Variants in PI4KA observed in about 807,000 individuals in gnomAD.
PI4KA encodes the protein PI4-kinase alpha.
A neutral mutation model predicts 271.4 loss-of-function variants in PI4KA; 122 were observed. The ratio of observed to expected loss-of-function variants is 0.45; its 90% CI spans 0.39 to 0.52. PI4KA has a LOEUF of 0.52. Among genes scored for constraint, PI4KA ranks in the 20% least tolerant of loss-of-function variants. PI4KA has a pLI of 0.00. For synonymous variants in PI4KA, 1,041 were observed against 1,078.8 expected (o/e 0.96, Z 0.69); for missense variants, 1,969 against 2,769.1 (o/e 0.71, Z 6.48).
intron 12 of PI4KA, 68 bp from the exon 13 acceptor site, chr22:20,803,388 G>A: frequency 6.3e-7 from 1 of 1,592,894 alleles, no homozygotes; most frequent in Non-Finnish European, 8.6e-7. Flanking sequence ...CCTGAGCAGG[G>A]AGGTGCTCAA....
intron 3 of PI4KA, among the ~76,000 whole-genome samples, chr22:20,828,679 C>T (rs201971472): frequency 4.6e-5 from 7 of 152,068 alleles, no homozygotes; most frequent in African/African-American, 1.7e-4. Context: ...CTCAGCCTCC[C>T]GAGTAGCTGG....
At chr22:20,848,837 A>C (rs915571332) in intron 1 of PI4KA, among the ~76,000 whole-genome samples, 13 of 152,232 alleles carry the variant, frequency 8.5e-5, no homozygotes, top group Admixed American at 6.5e-5. Context: ...AAATGACAAA[A>C]TGGACATCAT....
intron 19 of PI4KA, among the ~76,000 whole-genome samples, chr22:20,785,064 C>A (rs1219206876): frequency 6.7e-6 from 1 of 149,372 alleles, no homozygotes; most frequent in Non-Finnish European, 1.5e-5. Flanking sequence ...AAAGGGACTG[C>A]ATCTTTTTTT....
At chr22:20,726,599 C>A in intron 41 of PI4KA, 58 bp from the exon 42 acceptor site, 1 of 1,459,288 alleles carries the variant, frequency 6.9e-7, no homozygotes. Flanking sequence ...CCCAACCCTA[C>A]GGCCCAGGCC....
At chr22:20,753,276 A>G (rs1409560867) in intron 23 of PI4KA, 96 bp from the exon 24 acceptor site, 7 of 1,187,292 alleles carry the variant, frequency 5.9e-6, no homozygotes, top group African/African-American at 1.5e-5. Flanking sequence ...TTAGACTTAC[A>G]GAGAGTGGCA....
intron 10 of PI4KA, among the ~76,000 whole-genome samples, chr22:20,806,257 G>A (rs896205792): frequency 2.0e-5 from 3 of 152,134 alleles, no homozygotes; most frequent in African/African-American, 4.8e-5. Context: ...GGAGAGCATA[G>A]GAAAAACATT....
intron 1 of PI4KA, among the ~76,000 whole-genome samples, chr22:20,854,201 A>G (rs1253647751): frequency 6.7e-6 from 1 of 148,976 alleles, no homozygotes; most frequent in East Asian, 2.0e-4. Context: ...GCTTACTGCA[A>G]CCTCAGCCTC....
chr22:20,748,153 G>A (rs1406795595), intron 28 of PI4KA, among the ~76,000 whole-genome samples: 2 of 152,254 alleles, frequency 1.3e-5, no homozygotes, highest in Admixed American at 6.5e-5. Flanking sequence ...GGGACTGTCA[G>A]TAAGTCAAAG....
intron 2 of PI4KA, among the ~76,000 whole-genome samples, chr22:20,837,149 G>T (rs1459031547): frequency 6.6e-6 from 1 of 152,176 alleles, no homozygotes; most frequent in Non-Finnish European, 1.5e-5. Context: ...AGCACTTTGG[G>T]AGGCCTAGGC....
chr22:20,786,140 A>G (rs1156779843), intron 19 of PI4KA: 2 of 1,613,984 alleles, frequency 1.2e-6, no homozygotes, highest in Admixed American at 1.7e-5. Context: ...AAGGATCGCC[A>G]TCGACCTGGT....
rs530209085 is a variant in PI4KA, at chr22:20,730,907, T to C, written c.4289-896A>G. 5.9e-5 allele frequency among the ~76,000 whole-genome samples: 9 copies of C among 151,746 alleles called. No homozygotes were observed. In the East Asian group the frequency reaches 1.8e-3, roughly 30 times the overall value. On this transcript the variant is annotated intron_variant, in intron 36 of 54. Coordinates refer to ENST00000255882, the MANE Select transcript of PI4KA (RefSeq NM_058004.4). ...TTAAAATAGAATAGGCTGAGCACAGTGGCTCATGCCTGTAATCCCAGCACT... is the reference window on the plus strand; with the variant it reads ...TTAAAATAGAATAGGCTGAGCACAGCGGCTCATGCCTGTAATCCCAGCACT...
At chr22:20,762,086 TAA>T (rs961319993) in intron 22 of PI4KA, among the ~76,000 whole-genome samples, 1 of 151,886 alleles carries the variant, frequency 6.6e-6, no homozygotes, top group African/African-American at 2.4e-5. Flanking sequence ...TCTTTTATGG[TAA>T]AAAAAATATC....
chr22:20,738,940 C>T (rs1313676936), intron 32 of PI4KA, among the ~76,000 whole-genome samples: 3 of 151,174 alleles, frequency 2.0e-5, no homozygotes, highest in African/African-American at 7.3e-5. Flanking sequence ...CGGTGGCTCA[C>T]GCCTGTAATC....
chr22:20,762,457 G>C (rs889513873), intron 22 of PI4KA, among the ~76,000 whole-genome samples: 6 of 152,218 alleles, frequency 3.9e-5, no homozygotes, highest in Admixed American at 6.5e-5. Context: ...TCAAGGGCCT[G>C]GTAGGCAGCC....
In PI4KA at chr22:20,751,962, C is replaced by G. The variant is rs371333003; in HGVS notation, c.2988-207G>C. Among the ~76,000 whole-genome samples the G allele has an allele frequency of 4.1e-4, 62 of 152,320 alleles. No individual in the cohort carries two copies. In the East Asian group the frequency reaches 0.01, roughly 25 times the overall value. On this transcript the variant is annotated intron_variant, in intron 25 of 54. Transcript: ENST00000255882. ...CGCCTGGTCAGAAAGGCTCCCCAGG[C>G]CCCTGCCAGCCCCACTTCTTAGGGC...
intron 1 of PI4KA, among the ~76,000 whole-genome samples, chr22:20,854,082 T>C (rs1927307902): frequency 6.6e-6 from 1 of 152,080 alleles, no homozygotes; most frequent in Non-Finnish European, 1.5e-5. Flanking sequence ...GCCTAGCACA[T>C]ACCAAGGAGC....
chr22:20,711,594 A>C, intron 50 of PI4KA, 133 bp from the exon 51 acceptor site: 1 of 999,210 alleles, frequency 1.0e-6, no homozygotes, highest in South Asian at 1.5e-5. Flanking sequence ...GCAGAGCCCG[A>C]ATCAGCAAGC....
chr22:20,810,736 T>C (rs1250276828), intron 9 of PI4KA, among the ~76,000 whole-genome samples: 1 of 152,150 alleles, frequency 6.6e-6, no homozygotes, highest in Non-Finnish European at 1.5e-5. Flanking sequence ...ATCTTCTGTC[T>C]GTAATGCCAC....
In PI4KA at chr22:20,787,195, A is replaced by G; in HGVS notation, c.2328+5998T>C. On this transcript the variant is annotated intron_variant, in intron 19 of 54. Transcript: ENST00000255882. ...CTACCAATCTGAATTCGAGGCCCAT[A>G]TGAGAGGAGCTTAGAAACGACCAAG... The G allele has an allele frequency of 4.8e-6, 4 of 840,744 alleles. No homozygotes were observed. In the South Asian group the frequency reaches 5.7e-5, roughly 12 times the overall value. 52.1% of individuals were successfully genotyped at this position (840,744 alleles called of 1,614,324 possible).
Sources: allele counts gnomAD v4.1 joint callset (sites outside exome capture counted in the v4.1 genomes callset), GRCh38; gene constraint gnomAD v4.1.1; transcripts MANE v1.5; gene names NCBI Gene and HGNC (gene_info 2026-07-23, HGNC 2026-07-21).